Variants in NLRP9 observed in about 807,000 individuals in gnomAD.
NLRP9 encodes the protein NACHT, LRR and PYD domains-containing protein 9.
In NLRP9, 88 loss-of-function variants were observed where a neutral mutation model predicts 83.1. The ratio of observed to expected loss-of-function variants is 1.06; its 90% CI spans 0.89 to 1.26. NLRP9 has a LOEUF of 1.26. NLRP9 is among the 50% of genes most tolerant of loss of function. The pLI, the probability that NLRP9 is intolerant of heterozygous loss-of-function variation, is 0.00. For synonymous variants in NLRP9, 521 were observed against 447.6 expected (o/e 1.16, Z -2.07); for missense variants, 1,308 against 1,179.3 (o/e 1.11, Z -1.60).
At chr19:55,718,002 G>A (rs747246953) in intron 4 of NLRP9, among the ~76,000 whole-genome samples, 2 of 152,180 alleles carry the variant, frequency 1.3e-5, no homozygotes, top group Non-Finnish European at 2.9e-5. Context: ...AAGAAAAACT[G>A]TTCTGTTTTG....
chr19:55,730,005 A>C lies in NLRP9; in HGVS notation c.1833-13T>G. ...CTTCTCATTGTAACTATGAGAGAAC[A>C]AAGATTGTGATTCTCCAGTGGCTAA... On this transcript the variant is annotated splice_polypyrimidine_tract_variant and intron_variant, in intron 2 of 8. Transcript: ENST00000332836. 2 of 1,607,148 alleles carry C rather than the reference A, an allele frequency of 1.2e-6. No homozygotes were observed. Among genetic ancestry groups the C allele is most frequent in the African/African-American group, 1.3e-5 (1 of 74,592 alleles).
chr19:55,734,892 C>T (rs1988745117), intron 1 of NLRP9, among the ~76,000 whole-genome samples: 1 of 152,138 alleles, frequency 6.6e-6, no homozygotes. Flanking sequence ...TCCTCGGCCT[C>T]CCAAAGTGCT....
intron 4 of NLRP9, among the ~76,000 whole-genome samples, chr19:55,717,671 C>T (rs937258045): frequency 2.6e-5 from 4 of 152,308 alleles, no homozygotes; most frequent in South Asian, 2.1e-4. Context: ...CAGCGCAACA[C>T]GCTTCTGTGG....
intron 4 of NLRP9, 135 bp from the exon 5 acceptor site, chr19:55,717,033 C>CTT (rs397968319): frequency 0.027 from 9,674 of 362,082 alleles, 115 homozygotes; most frequent in African/African-American, 0.066. Flanking sequence ...GACTCTTTTT[C>CTT]TTTTTTTTTT....
rs1225040339 is a variant in NLRP9, at chr19:55,732,421, A to T, written c.1410T>A (p.Ile470=). 6.2e-7 allele frequency: 1 copy of T among 1,614,240 alleles called. No homozygotes were observed. Residue 470 remains isoleucine (I), a synonymous_variant, in exon 2 of 9, where the codon ATT becomes ATA. Transcript: ENST00000332836. ...KRPKDDPNPA[I]GSITQLVRAS... ...CTCTTACAAGCTGGGTTATGCTTCC[A>T]ATGGCCGGGTTAGGATCGTCTTTGG...
chr19:55,709,801 C>T (rs946380926), intron 8 of NLRP9: 1 of 152,136 alleles, frequency 6.6e-6, no homozygotes, highest in African/African-American at 2.4e-5. Context: ...ATCTCTGTCT[C>T]TTTATAACTT....
intron 1 of NLRP9, among the ~76,000 whole-genome samples, chr19:55,735,713 C>T (rs1219690313): frequency 1.3e-5 from 2 of 151,940 alleles, no homozygotes; most frequent in African/African-American, 2.4e-5. Context: ...TAGACAGAGT[C>T]TCATCACTCT....
intron 2 of NLRP9, among the ~76,000 whole-genome samples, chr19:55,730,705 G>C (rs905502507): frequency 1.3e-5 from 2 of 152,084 alleles, no homozygotes; most frequent in East Asian, 1.9e-4. Flanking sequence ...GGAGCTGAAT[G>C]ATGAGAACAC....
intron 4 of NLRP9, among the ~76,000 whole-genome samples, chr19:55,722,339 CT>C (rs376989233): frequency 1.3e-3 from 199 of 152,130 alleles, no homozygotes; most frequent in African/African-American, 4.4e-3. Context: ...AAAGTTCCCC[CT>C]GAGAAGAGAA....
intron 8 of NLRP9, 88 bp downstream of exon 8, chr19:55,711,712 G>A: frequency 1.5e-6 from 2 of 1,305,418 alleles, no homozygotes; most frequent in East Asian, 2.4e-5. Context: ...CTCCAGCCTG[G>A]CATCCATCAT....
At chr19:55,725,193 A>G (rs554041653) in intron 3 of NLRP9, among the ~76,000 whole-genome samples, 4 of 152,354 alleles carry the variant, frequency 2.6e-5, no homozygotes, top group African/African-American at 9.6e-5. Context: ...ATATGTGTCT[A>G]TAAGCCAGAT....
chr19:55,731,633 A>T (rs779809573), intron 2 of NLRP9, among the ~76,000 whole-genome samples: 10 of 150,496 alleles, frequency 6.6e-5, no homozygotes, highest in Non-Finnish European at 1.5e-4. Context: ...CTGAGGCAGG[A>T]GAGTCGCTTG....
At chr19:55,722,914 G>A (rs1014876608) in intron 4 of NLRP9, among the ~76,000 whole-genome samples, 1 of 152,032 alleles carries the variant, frequency 6.6e-6, no homozygotes, top group Non-Finnish European at 1.5e-5. Flanking sequence ...ACCAAACACT[G>A]CCTGTTCTCA....
intron 3 of NLRP9, among the ~76,000 whole-genome samples, chr19:55,729,050 C>CTTTTTTTTTTTTTTTTTTT (rs374589373): frequency 1.7e-4 from 12 of 70,240 alleles, no homozygotes; most frequent in Middle Eastern, 0.01. Flanking sequence ...TTTTCTTTTT[C>CTTTTTTTTTTTTTTTTTTT]TTTTTTTTTT....
At chr19:55,731,069 C>T (rs562136305) in intron 2 of NLRP9, among the ~76,000 whole-genome samples, 30 of 152,102 alleles carry the variant, frequency 2.0e-4, no homozygotes, top group East Asian at 3.8e-4. Context: ...TGTGAATACT[C>T]GATTGTTCTG....
intron 4 of NLRP9, among the ~76,000 whole-genome samples, chr19:55,722,338 CCT>C (rs1297602186): frequency 6.6e-6 from 1 of 151,924 alleles, no homozygotes; most frequent in Non-Finnish European, 1.5e-5. Context: ...GAAAGTTCCC[CCT>C]GAGAAGAGAA....
At chr19:55,725,007 C>T (rs1283985885) in intron 3 of NLRP9, among the ~76,000 whole-genome samples, 3 of 151,670 alleles carry the variant, frequency 2.0e-5, no homozygotes, top group Non-Finnish European at 2.9e-5. Context: ...TGCAGTGAGC[C>T]GAGATGGTGC....
At chr19:55,717,864 C>T (rs1292272853) in intron 4 of NLRP9, among the ~76,000 whole-genome samples, 2 of 152,222 alleles carry the variant, frequency 1.3e-5, no homozygotes, top group African/African-American at 2.4e-5. Flanking sequence ...AACACATCCA[C>T]ACGCCACGCC....
At chr19:55,726,509 T>C (rs1988408114) in intron 3 of NLRP9, among the ~76,000 whole-genome samples, 1 of 152,192 alleles carries the variant, frequency 6.6e-6, no homozygotes, top group Admixed American at 6.5e-5. Context: ...GAGGTATGTG[T>C]GTTTGGAACA....
Sources: gnomAD v4.1 joint callset for allele counts (sites outside exome capture counted in the v4.1 genomes callset) on GRCh38, gnomAD v4.1.1 for gene constraint, MANE v1.5 for transcripts, NCBI Gene and HGNC (gene_info 2026-07-23, HGNC 2026-07-21) for gene names.